SLC30A8: variants seen among roughly 807,000 people sequenced by gnomAD.
The protein encoded by SLC30A8 is solute carrier family 30 member 8.
In SLC30A8, 27 loss-of-function variants were observed where a neutral mutation model predicts 36.9. That is an observed-to-expected ratio of 0.73 (90% CI 0.54 to 1.01). SLC30A8 has a LOEUF of 1.01. Among genes scored for constraint, SLC30A8 ranks in the 50% least tolerant of loss-of-function variants. The pLI is 0.00. For missense variants in SLC30A8, 439 were observed against 452.0 expected (o/e 0.97, Z 0.26); for synonymous variants, 164 against 172.4 (o/e 0.95, Z 0.38).
chr8:116,972,814 G>A (rs922079168), intron 1 of SLC30A8, among the ~76,000 whole-genome samples: 1 of 152,140 alleles, frequency 6.6e-6, no homozygotes, highest in Non-Finnish European at 1.5e-5. Flanking sequence ...ACCACGAATT[G>A]TTCACAATTT....
intron 2 of SLC30A8, among the ~76,000 whole-genome samples, chr8:117,073,654 ATTCAG>A (rs1481133914): frequency 1.3e-5 from 2 of 152,166 alleles, no homozygotes; most frequent in African/African-American, 4.8e-5. Flanking sequence ...GGTCTGTCTC[ATTCAG>A]TACCATTTTC....
At chr8:116,995,450 G>T (rs956762214) in intron 1 of SLC30A8, among the ~76,000 whole-genome samples, 1 of 151,972 alleles carries the variant, frequency 6.6e-6, no homozygotes, top group Non-Finnish European at 1.5e-5. Flanking sequence ...TTCTCCACTG[G>T]CAGTACCCAG....
chr8:116,993,697 A>G (rs1303811807), intron 1 of SLC30A8, among the ~76,000 whole-genome samples: 1 of 152,084 alleles, frequency 6.6e-6, no homozygotes, highest in African/African-American at 2.4e-5. Context: ...TGTAAAACAC[A>G]GTATCTAAAA....
chr8:117,118,907 A>C (rs1489161810), intron 2 of SLC30A8, among the ~76,000 whole-genome samples: 2 of 151,970 alleles, frequency 1.3e-5, no homozygotes, highest in African/African-American at 4.8e-5. Flanking sequence ...TAAACAATTC[A>C]GTTAACATCG....
intron 1 of SLC30A8, among the ~76,000 whole-genome samples, chr8:117,004,226 A>G (rs537984984): frequency 3.4e-4 from 52 of 152,292 alleles, no homozygotes; most frequent in Non-Finnish European, 5.4e-4. Flanking sequence ...CAGACATCTC[A>G]TCCTGAAATT....
intron 2 of SLC30A8, among the ~76,000 whole-genome samples, chr8:117,107,862 A>G (rs1381246964): frequency 6.6e-6 from 1 of 152,186 alleles, no homozygotes; most frequent in African/African-American, 2.4e-5. Flanking sequence ...TTTTTATGGC[A>G]AAGTATTGTA....
In SLC30A8 at chr8:117,015,563, G is replaced by A. The variant is rs150971775; in HGVS notation, c.-265-23656G>A. ...CCCCCCCCCCCAAAAAAAAGAGGGC[G>A]AGGGAGGGCTTTGTGTCAAACCTGT... On this transcript the variant is annotated intron_variant, in intron 1 of 10. Coordinates refer to the SLC30A8 transcript ENST00000427715. Among the ~76,000 whole-genome samples, 122 of 152,076 alleles carry A rather than the reference G, an allele frequency of 8.0e-4. 4 individuals are homozygous for A. The East Asian group carries it at 0.019, about 23-fold the overall frequency.
intron 2 of SLC30A8, among the ~76,000 whole-genome samples, chr8:117,122,203 G>A (rs1820721337): frequency 6.6e-6 from 1 of 151,918 alleles, no homozygotes; most frequent in Non-Finnish European, 1.5e-5. Flanking sequence ...TTGCTTTATA[G>A]TAGGATTGTA....
At chr8:117,070,141 T>A (rs1419852681) in intron 2 of SLC30A8, among the ~76,000 whole-genome samples, 1 of 152,184 alleles carries the variant, frequency 6.6e-6, no homozygotes, top group African/African-American at 2.4e-5. Context: ...ATGGAGTCCA[T>A]ATCTGTTAAT....
chr8:116,990,318 A>G (rs1473617265), intron 1 of SLC30A8, among the ~76,000 whole-genome samples: 4 of 148,896 alleles, frequency 2.7e-5, no homozygotes, highest in African/African-American at 9.9e-5. Context: ...TTTAGAAAGG[A>G]AAAAAAAAAT....
intron 1 of SLC30A8, among the ~76,000 whole-genome samples, chr8:116,959,735 T>C (rs1165270127): frequency 6.6e-6 from 1 of 152,230 alleles, no homozygotes; most frequent in East Asian, 1.9e-4. Flanking sequence ...CAAGGTCTTA[T>C]GAATTATAAA....
intron 1 of SLC30A8, among the ~76,000 whole-genome samples, chr8:117,037,181 A>G (rs1157184944): frequency 1.3e-5 from 2 of 152,144 alleles, no homozygotes; most frequent in Non-Finnish European, 2.9e-5. Flanking sequence ...CCATTTTACT[A>G]ATGTGCTGTG....
intron 1 of SLC30A8, among the ~76,000 whole-genome samples, chr8:116,990,384 G>A (rs1164824092): frequency 6.6e-6 from 1 of 152,088 alleles, no homozygotes; most frequent in African/African-American, 2.4e-5. Context: ...CCTCCCCAGT[G>A]ATGATAGTTG....
At chr8:117,081,945 A>G (rs1818689328) in intron 2 of SLC30A8, among the ~76,000 whole-genome samples, 1 of 152,138 alleles carries the variant, frequency 6.6e-6, no homozygotes, top group Admixed American at 6.5e-5. Flanking sequence ...TTTCACTGCA[A>G]ATAGAGAATG....
rs1356125200 is a variant in SLC30A8, at chr8:117,173,706, T to G, written c.*1025T>G. 6.6e-6 allele frequency: 1 copy of G among 152,152 alleles called. No homozygotes were observed. Among genetic ancestry groups the G allele is most frequent in the African/African-American group, 2.4e-5 (1 of 41,454 alleles). 9.4% of individuals were successfully genotyped at this position (152,152 alleles called of 1,614,324 possible). ...TCTGGAAATCCTATGTCAATGGGTT[T>G]GGTTTGGAACCTGGACTTCTGCATT... is the stretch of plus-strand genomic sequence containing the variant. On this transcript the variant is annotated 3_prime_UTR_variant, in exon 8 of 8. Coordinates refer to ENST00000456015, the MANE Select transcript of SLC30A8 (RefSeq NM_173851.3).
chr8:117,144,602 A>T (rs1821812593), intron 1 of SLC30A8, among the ~76,000 whole-genome samples: 1 of 152,220 alleles, frequency 6.6e-6, no homozygotes, highest in South Asian at 2.1e-4. Flanking sequence ...TTATGCTATG[A>T]TATAGCTATA....
chr8:117,011,252 T>G (rs1337397483), intron 1 of SLC30A8, among the ~76,000 whole-genome samples: 6 of 152,208 alleles, frequency 3.9e-5, no homozygotes, highest in Non-Finnish European at 1.5e-5. Context: ...CTTTGCAGTA[T>G]GTGAACCAAC....
intron 2 of SLC30A8, among the ~76,000 whole-genome samples, chr8:117,128,796 A>T (rs1369580544): frequency 2.0e-5 from 3 of 152,052 alleles, no homozygotes; most frequent in Non-Finnish European, 4.4e-5. Context: ...GAAAAAGGGG[A>T]TTATTTTTAC....
chr8:117,003,928 T>C (rs1008908893), intron 1 of SLC30A8, among the ~76,000 whole-genome samples: 1 of 152,228 alleles, frequency 6.6e-6, no homozygotes, highest in East Asian at 1.9e-4. Context: ...CTGAAAAGAA[T>C]GTTTCCATTA....
Sources: gnomAD v4.1 joint callset for allele counts (sites outside exome capture counted in the v4.1 genomes callset) on GRCh38, gnomAD v4.1.1 for gene constraint, MANE v1.5 for transcripts, NCBI Gene and HGNC (gene_info 2026-07-23, HGNC 2026-07-21) for gene names.